POU6F2: variants seen among roughly 807,000 people sequenced by gnomAD.
The protein encoded by POU6F2 is POU class 6 homeobox 2.
POU6F2 carries 31 observed loss-of-function variants against 71.3 expected under a neutral mutation model. The ratio of observed to expected loss-of-function variants is 0.43; its 90% CI spans 0.33 to 0.59. The LOEUF (loss-of-function observed/expected upper bound fraction) is 0.59, where lower values mean the gene tolerates loss of function less well. Among genes scored for constraint, POU6F2 ranks in the 20% least tolerant of loss-of-function variants. The pLI is 0.04. For missense variants in POU6F2, 783 were observed against 856.8 expected (o/e 0.91, Z 1.07); for synonymous variants, 347 against 355.7 (o/e 0.98, Z 0.27).
chr7:39,322,451 GC>G (rs1308266083), intron 4 of POU6F2, among the ~76,000 whole-genome samples: 1 of 152,186 alleles, frequency 6.6e-6, no homozygotes, highest in Non-Finnish European at 1.5e-5. Flanking sequence ...ATTTGGGTCA[GC>G]CCTTGGTTAG....
At chr7:39,365,872 T>C (rs577461093) in intron 5 of POU6F2, among the ~76,000 whole-genome samples, 4 of 152,234 alleles carry the variant, frequency 2.6e-5, no homozygotes, top group Admixed American at 2.0e-4. Context: ...TGTCAGGGTG[T>C]GTCTACTTGA....
At chr7:39,321,694 T>G (rs1386536377) in intron 4 of POU6F2, among the ~76,000 whole-genome samples, 1 of 152,066 alleles carries the variant, frequency 6.6e-6, no homozygotes, top group Non-Finnish European at 1.5e-5. Context: ...TGAAGTTATG[T>G]TTATAAGTTC....
chr7:39,089,298 T>C lies in POU6F2; in HGVS notation c.277+3267T>C, dbSNP rs1791316752. On this transcript the variant is annotated intron_variant, in intron 2 of 9. Transcript: ENST00000518318. The stretch of plus-strand genomic sequence containing the variant: ...TAAAGCCTGTAGGATAACTATCTCC[T>C]TTTTCAGTTCATGACTGTATTATGC... Among the ~76,000 whole-genome samples the C allele has an allele frequency of 3.3e-5, 5 of 152,178 alleles. No individual in the cohort carries two copies. The South Asian group carries it at 1.0e-3, about 31-fold the overall frequency.
chr7:39,146,339 G>T (rs953454811), intron 2 of POU6F2, among the ~76,000 whole-genome samples: 8 of 152,202 alleles, frequency 5.3e-5, no homozygotes, highest in Non-Finnish European at 1.2e-4. Flanking sequence ...GTGCCTGAGG[G>T]CAGGAAGGCA....
At chr7:39,225,699 G>C (rs1025700803) in intron 4 of POU6F2, among the ~76,000 whole-genome samples, 1 of 152,160 alleles carries the variant, frequency 6.6e-6, no homozygotes, top group Non-Finnish European at 1.5e-5. Context: ...TCTAAAATTT[G>C]ATCTATAATT....
intron 4 of POU6F2, among the ~76,000 whole-genome samples, chr7:39,294,308 G>A (rs1247774852): frequency 1.4e-5 from 2 of 147,774 alleles, no homozygotes; most frequent in Non-Finnish European, 3.0e-5. Context: ...TCTAACAATA[G>A]TATTAGGTTG....
chr7:39,414,974 T>C (rs1437886049), intron 6 of POU6F2, among the ~76,000 whole-genome samples: 1 of 151,972 alleles, frequency 6.6e-6, no homozygotes, highest in Non-Finnish European at 1.5e-5. Flanking sequence ...TGCTGTCACT[T>C]TTCCCACTTC....
At chr7:39,210,317 T>A (rs1794113752) in intron 4 of POU6F2, among the ~76,000 whole-genome samples, 1 of 152,268 alleles carries the variant, frequency 6.6e-6, no homozygotes, top group Non-Finnish European at 1.5e-5. Flanking sequence ...CATGAAACAG[T>A]TCGGCCAACT....
intron 2 of POU6F2, among the ~76,000 whole-genome samples, chr7:39,106,290 G>A (rs949632491): frequency 6.6e-6 from 1 of 152,138 alleles, no homozygotes; most frequent in Admixed American, 6.5e-5. Flanking sequence ...GACCATTGTT[G>A]CTCTCTACTA....
At chr7:39,313,199 C>G (rs1020400364) in intron 4 of POU6F2, among the ~76,000 whole-genome samples, 3 of 152,130 alleles carry the variant, frequency 2.0e-5, no homozygotes, top group Admixed American at 6.5e-5. Flanking sequence ...CACTCTCCAG[C>G]CTCACTTCCC....
chr7:38,988,670 T>C (rs897747665), intron 1 of POU6F2, among the ~76,000 whole-genome samples: 5 of 152,146 alleles, frequency 3.3e-5, no homozygotes, highest in Non-Finnish European at 7.4e-5. Context: ...AATTTAATCC[T>C]CACGCCAGGT....
chr7:39,119,892 G>C (rs1363831941), intron 2 of POU6F2, among the ~76,000 whole-genome samples: 3 of 152,096 alleles, frequency 2.0e-5, no homozygotes, highest in Non-Finnish European at 2.9e-5. Flanking sequence ...TAAAACAAAG[G>C]GCTTGCAATT....
At chr7:39,163,371 A>C (rs1323206720) in intron 2 of POU6F2, among the ~76,000 whole-genome samples, 2 of 152,236 alleles carry the variant, frequency 1.3e-5, no homozygotes, top group Admixed American at 6.5e-5. Flanking sequence ...AAGGAGTAAC[A>C]CAGAGAACAC....
chr7:39,263,672 C>T (rs996856501), intron 4 of POU6F2, among the ~76,000 whole-genome samples: 4 of 97,688 alleles, frequency 4.1e-5, no homozygotes, highest in African/African-American at 7.5e-5. Context: ...CGCACACACA[C>T]GCACACACAC....
Position 39,298,035 on chromosome 7 carries a change from C to A in POU6F2, c.599-41607C>A, listed in dbSNP as rs561372223. Among the ~76,000 whole-genome samples, 17 of 151,726 alleles carry A rather than the reference C, an allele frequency of 1.1e-4. No homozygotes were observed. The South Asian group carries it at 3.1e-3, about 28-fold the overall frequency. On this transcript the variant is annotated intron_variant, in intron 4 of 9. Coordinates refer to ENST00000518318, the MANE Select transcript of POU6F2 (RefSeq NM_001370959.1). ...GGATTAAATACTTAAATCCAAAATC[C>A]AAAAAAACCCAAAACCATAAAAACC...
chr7:39,329,443 TA>T (rs1583528810), intron 4 of POU6F2, among the ~76,000 whole-genome samples: 1 of 152,074 alleles, frequency 6.6e-6, no homozygotes, highest in Non-Finnish European at 1.5e-5. Context: ...TTACATAGTA[TA>T]AACACCTCTG....
intron 1 of POU6F2, among the ~76,000 whole-genome samples, chr7:39,084,895 G>C (rs1207596417): frequency 6.6e-6 from 1 of 151,972 alleles, no homozygotes; most frequent in Non-Finnish European, 1.5e-5. Flanking sequence ...CTTTCCTTCT[G>C]CATCCGATAT....
chr7:39,205,907 C>T (rs1265501986), intron 3 of POU6F2, among the ~76,000 whole-genome samples: 1 of 152,190 alleles, frequency 6.6e-6, no homozygotes, highest in Admixed American at 6.5e-5. Context: ...AGCAGCCCCA[C>T]TTCTCTAAAT....
chr7:39,160,649 T>G (rs1050555488), intron 2 of POU6F2, among the ~76,000 whole-genome samples: 1 of 152,222 alleles, frequency 6.6e-6, no homozygotes, highest in African/African-American at 2.4e-5. Context: ...AAACCCTGCC[T>G]CTACCATCAG....
Sources: allele counts gnomAD v4.1 joint callset (sites outside exome capture counted in the v4.1 genomes callset), GRCh38; gene constraint gnomAD v4.1.1; transcripts MANE v1.5; gene names NCBI Gene and HGNC (gene_info 2026-07-23, HGNC 2026-07-21).